Variants in NUP155 observed in about 807,000 individuals in gnomAD.
The protein encoded by NUP155 is nuclear pore complex protein Nup155.
A neutral mutation model predicts 180.4 loss-of-function variants in NUP155; 71 were observed. The observed-to-expected ratio is 0.39, with a 90% CI of 0.33 to 0.48. The LOEUF (loss-of-function observed/expected upper bound fraction) is 0.48, where lower values mean the gene tolerates loss of function less well. Among genes scored for constraint, NUP155 ranks in the 20% least tolerant of loss-of-function variants. NUP155 has a pLI of 0.91. For missense variants in NUP155, 1,553 were observed against 1,648.9 expected, an observed-to-expected ratio of 0.94 and a Z score of 1.01; for synonymous variants, 582 against 559.5, an observed-to-expected ratio of 1.04 and a Z score of -0.57.
At position 37,329,289 on chromosome 5, in the gene NUP155, G is replaced by A. The variant is rs566951271; in HGVS notation, c.1725-11C>T. 1.9e-6 allele frequency: 3 copies of A among 1,603,476 alleles called. No homozygotes were observed. The highest frequency in any genetic ancestry group is 2.6e-6 in the Non-Finnish European group (3 of 1,170,444). ...GCTTCACCACCATACCTATTTTTAT[G>A]ACAAGAGGTTGAGTTTATTCAGTAA... On this transcript the variant is annotated splice_polypyrimidine_tract_variant and intron_variant, in intron 15 of 34. Transcript: ENST00000231498.
chr5:37,326,841 T>A (rs946034481), intron 18 of NUP155, among the ~76,000 whole-genome samples: 3 of 152,308 alleles, frequency 2.0e-5, no homozygotes, highest in Non-Finnish European at 4.4e-5. Context: ...TGTACATTCA[T>A]ATGTAAGTAG....
At chr5:37,338,439 C>T (rs1479742541) in intron 11 of NUP155, among the ~76,000 whole-genome samples, 2 of 145,382 alleles carry the variant, frequency 1.4e-5, no homozygotes, top group African/African-American at 2.5e-5. Context: ...GACGGAGTCT[C>T]GCTGTCACCC....
chr5:37,314,026 A>G (rs1205493528), intron 22 of NUP155, among the ~76,000 whole-genome samples, 172 bp downstream of exon 22: 1 of 152,206 alleles, frequency 6.6e-6, no homozygotes, highest in Non-Finnish European at 1.5e-5. Flanking sequence ...CGGCTTTGAA[A>G]AAATAGGTCC....
At chr5:37,355,705 A>G (rs1301050645) in intron 4 of NUP155, among the ~76,000 whole-genome samples, 1 of 151,534 alleles carries the variant, frequency 6.6e-6, no homozygotes, top group Non-Finnish European at 1.5e-5. Context: ...CAGCCTCCCA[A>G]GTAGCTGGGA....
At chr5:37,327,299 G>A (rs149172866) in intron 18 of NUP155, 1 of 341,712 alleles carries the variant, frequency 2.9e-6, no homozygotes, top group East Asian at 7.5e-5. Flanking sequence ...TAGGCTATTA[G>A]TAATTAAGAA....
chr5:37,353,413 T>C (rs1260904664), intron 4 of NUP155, among the ~76,000 whole-genome samples: 1 of 151,882 alleles, frequency 6.6e-6, no homozygotes, highest in African/African-American at 2.4e-5. Context: ...TGAAACCCCA[T>C]CTCTACTAAA....
At chr5:37,348,178 C>T (rs1746226283) in intron 9 of NUP155, among the ~76,000 whole-genome samples, 1 of 152,018 alleles carries the variant, frequency 6.6e-6, no homozygotes, top group Non-Finnish European at 1.5e-5. Flanking sequence ...GTGGCAGGCA[C>T]CTGTAATCTC....
rs183942904 is a variant in NUP155, at chr5:37,354,139, A to G, written c.464-1310T>C. On this transcript the variant is annotated intron_variant, in intron 4 of 34. Transcript: ENST00000231498. ...CTCTTTTAGATTCTATGTAAAGGAC[A>G]TACATTTGCTTTGCTTTTCTTTTTG... Among the ~76,000 whole-genome samples, 3 of 152,280 alleles carry G rather than the reference A, an allele frequency of 2.0e-5. No individual in the cohort carries two copies. In the East Asian group the frequency reaches 5.8e-4, roughly 29 times the overall value.
chr5:37,334,013 C>T (rs1008099133), intron 12 of NUP155, among the ~76,000 whole-genome samples: 22 of 151,674 alleles, frequency 1.5e-4, no homozygotes, highest in African/African-American at 5.3e-4. Context: ...GTTGGTCAGG[C>T]TGGTCTTGAA....
intron 30 of NUP155, chr5:37,301,227 G>A: frequency 4.0e-6 from 2 of 501,430 alleles, no homozygotes; most frequent in Non-Finnish European, 7.2e-6. Flanking sequence ...GTTCTTTGTA[G>A]CTACTGGCCT....
chr5:37,303,526 A>G lies in NUP155; in HGVS notation c.3163-112T>C. On this transcript the variant is annotated intron_variant, in intron 27 of 34. Coordinates refer to ENST00000231498, the MANE Select transcript of NUP155 (RefSeq NM_153485.3). ...ACTACAACTTTGCCTTGTTTTATGA[A>G]AACAAGCAAAATTATAATCCAATAC... The G allele has an allele frequency of 5.8e-6, 5 of 857,874 alleles. No homozygotes were observed. The South Asian group carries it at 7.5e-5, about 13-fold the overall frequency. 53.1% of individuals were successfully genotyped at this position (857,874 alleles called of 1,614,324 possible).
chr5:37,332,605 G>T (rs1010872621), intron 13 of NUP155, among the ~76,000 whole-genome samples: 1 of 152,086 alleles, frequency 6.6e-6, no homozygotes, highest in African/African-American at 2.4e-5. Context: ...ATAAACAAAA[G>T]CAACTAAGAG....
chr5:37,358,981 A>C (rs940975887), intron 3 of NUP155, among the ~76,000 whole-genome samples: 1 of 149,872 alleles, frequency 6.7e-6, no homozygotes, highest in Non-Finnish European at 1.5e-5. Flanking sequence ...ACACCACTGC[A>C]CTCCAGCCTG....
chr5:37,288,451 T>C lies in NUP155; in HGVS notation c.*3449A>G, dbSNP rs188717549. 5.3e-5 allele frequency: 8 copies of C among 152,284 alleles called. No individual in the cohort carries two copies. In the East Asian group the frequency reaches 1.5e-3, roughly 29 times the overall value. The allele number at this position is 152,284 out of a possible 1,614,324, so 9.4% of individuals were successfully genotyped here. A position where few individuals can be genotyped will look rare whatever the true frequency, so the allele number is the denominator to read the frequency against. On this transcript the variant is annotated 3_prime_UTR_variant, in exon 35 of 35. Coordinates refer to ENST00000231498, the MANE Select transcript of NUP155 (RefSeq NM_153485.3). The stretch of plus-strand genomic sequence containing the variant: ...TCATAGCATAAACAGTTAGTCAAGA[T>C]AGCTTTCTCTTTCCTAACCGTTTTG...
chr5:37,331,641 T>G (rs1417524264), intron 14 of NUP155, 44 bp downstream of exon 14: 1 of 1,070,464 alleles, frequency 9.3e-7, no homozygotes, highest in Non-Finnish European at 1.4e-6. Context: ...CTCCCACTGT[T>G]TGTTTAAAAT....
chr5:37,318,144 TACA>T (rs1561780561), intron 20 of NUP155, 59 bp from the exon 21 acceptor site: 1 of 931,674 alleles, frequency 1.1e-6, no homozygotes, highest in South Asian at 1.3e-5. Flanking sequence ...ATATAACACA[TACA>T]GTACAATTCA....
chr5:37,346,162 T>C (rs965559224), intron 9 of NUP155, among the ~76,000 whole-genome samples: 2 of 151,666 alleles, frequency 1.3e-5, no homozygotes, highest in African/African-American at 4.8e-5. Flanking sequence ...TCTATAGTCA[T>C]AGCTACTCAG....
intron 15 of NUP155, 102 bp downstream of exon 15, chr5:37,329,936 G>T: frequency 1.2e-6 from 1 of 814,552 alleles, no homozygotes; most frequent in Non-Finnish European, 2.1e-6. Context: ...TGCCTACATA[G>T]TCACTCAACT....
At chr5:37,317,117 C>A (rs1305763084) in intron 21 of NUP155, among the ~76,000 whole-genome samples, 1 of 151,228 alleles carries the variant, frequency 6.6e-6, no homozygotes, top group Non-Finnish European at 1.5e-5. Flanking sequence ...TGCAGTGAGC[C>A]GAGATCATGC....
Sources: gnomAD v4.1 joint callset for allele counts (sites outside exome capture counted in the v4.1 genomes callset) on GRCh38, gnomAD v4.1.1 for gene constraint, MANE v1.5 for transcripts, NCBI Gene and HGNC (gene_info 2026-07-23, HGNC 2026-07-21) for gene names.